Variants in DYNLT2B observed in about 807,000 individuals in gnomAD.
DYNLT2B encodes dynein light chain Tctex-type 2B.
Under a neutral mutation model 19.5 loss-of-function variants are expected in DYNLT2B, and 14 were observed. The ratio of observed to expected loss-of-function variants is 0.72; its 90% CI spans 0.47 to 1.12. The LOEUF is 1.12. Ranked by LOEUF, DYNLT2B falls within the 50% of genes most tolerant of loss-of-function variation. The pLI is 0.00. For synonymous variants in DYNLT2B, 70 were observed against 59.7 expected (o/e 1.17, Z -0.79); for missense variants, 133 against 174.7 (o/e 0.76, Z 1.35).
At position 196,302,298 on chromosome 3, in the gene DYNLT2B, TTTCTAA is replaced by T. The variant is rs1726377332; in HGVS notation, c.317+4639_317+4644del. Among the ~76,000 whole-genome samples the T allele has an allele frequency of 2.0e-5, 3 of 152,136 alleles. No homozygotes were observed. In the South Asian group the frequency reaches 6.2e-4, roughly 32 times the overall value. ...GCTACCTCTAGGGCCCCAAGCTTAG[TTTCTAA>T]TGCCATTCTCCAACACATTGAACAG... On this transcript the variant is annotated intron_variant, in intron 3 of 4. Transcript: ENST00000325318.
chr3:196,291,517 C>G lies in DYNLT2B; in HGVS notation c.382-143G>C, dbSNP rs1577384110. 6 of 763,656 alleles carry G rather than the reference C, an allele frequency of 7.9e-6. No individual in the cohort carries two copies. In the East Asian group the frequency reaches 1.7e-4, roughly 22 times the overall value. 47.3% of individuals were successfully genotyped at this position (763,656 alleles called of 1,614,324 possible). A position where few individuals can be genotyped will look rare whatever the true frequency, so the allele number is the denominator to read the frequency against. On this transcript the variant is annotated intron_variant, in intron 4 of 4. Transcript: ENST00000325318. ...TTTTTGAGACAGGGTGTCACTCTAT[C>G]ACCCAGGCTGGAGTGCAGTGGTGTG...
intron 1 of DYNLT2B, among the ~76,000 whole-genome samples, chr3:196,316,890 AGTGTGT>A (rs377469506): frequency 2.7e-5 from 2 of 74,198 alleles, no homozygotes; most frequent in African/African-American, 5.3e-5. Flanking sequence ...CATTTTTTTC[AGTGTGT>A]GTGTGTGTGT....
intron 4 of DYNLT2B, 101 bp from the exon 5 acceptor site, chr3:196,291,475 T>A (rs1207849376): frequency 2.3e-6 from 3 of 1,318,666 alleles, no homozygotes; most frequent in Non-Finnish European, 3.1e-6. Flanking sequence ...CTCAGATCTT[T>A]CCAATTTTTT....
At chr3:196,294,880 G>C (rs535676375) in intron 4 of DYNLT2B, among the ~76,000 whole-genome samples, 1 of 151,912 alleles carries the variant, frequency 6.6e-6, no homozygotes, top group African/African-American at 2.4e-5. Context: ...GATTACAGGC[G>C]TGCACCACCA....
intron 3 of DYNLT2B, among the ~76,000 whole-genome samples, chr3:196,303,294 T>A (rs569305737): frequency 1.8e-4 from 27 of 152,232 alleles, no homozygotes; most frequent in Admixed American, 5.9e-4. Flanking sequence ...TGAGTAATAA[T>A]AAAACTCCGG....
chr3:196,296,145 G>A, intron 3 of DYNLT2B, 76 bp from the exon 4 acceptor site: 3 of 1,249,456 alleles, frequency 2.4e-6, no homozygotes, highest in Non-Finnish European at 3.5e-6. Context: ...ACGAGAAACA[G>A]TGTTCCTTAA....
chr3:196,315,191 G>A, intron 2 of DYNLT2B: 1 of 420,870 alleles, frequency 2.4e-6, no homozygotes, highest in Non-Finnish European at 4.6e-6. Context: ...TGAAGAAAAA[G>A]TTGTCTTTAA....
chr3:196,308,081 C>T (rs1174242793), intron 2 of DYNLT2B, among the ~76,000 whole-genome samples: 1 of 67,720 alleles, frequency 1.5e-5, no homozygotes, highest in African/African-American at 5.3e-5. Context: ...AACTCCATCT[C>T]GAAAAAAAAA....
chr3:196,292,932 C>T (rs368994497), intron 4 of DYNLT2B, among the ~76,000 whole-genome samples: 1 of 152,356 alleles, frequency 6.6e-6, no homozygotes, highest in African/African-American at 2.4e-5. Flanking sequence ...TGGCTCACTG[C>T]AACCTCCGCC....
At chr3:196,302,037 G>A (rs756672532) in intron 3 of DYNLT2B, among the ~76,000 whole-genome samples, 2 of 152,042 alleles carry the variant, frequency 1.3e-5, no homozygotes, top group Non-Finnish European at 2.9e-5. Flanking sequence ...AACCCAGGAG[G>A]TGAAGGTTGC....
intron 2 of DYNLT2B, among the ~76,000 whole-genome samples, chr3:196,307,306 T>C (rs536833004): frequency 6.6e-6 from 1 of 152,240 alleles, no homozygotes; most frequent in Admixed American, 6.5e-5. Flanking sequence ...GTATCTTTTT[T>C]TTGTTTTGTT....
chr3:196,303,146 A>G (rs1726398728), intron 3 of DYNLT2B, among the ~76,000 whole-genome samples: 1 of 151,484 alleles, frequency 6.6e-6, no homozygotes, highest in African/African-American at 2.4e-5. Context: ...CCGACCCAGG[A>G]ACTGACTCAG....
At chr3:196,306,875 G>T in intron 3 of DYNLT2B, 68 bp downstream of exon 3, 1 of 1,429,844 alleles carries the variant, frequency 7.0e-7, no homozygotes, top group Non-Finnish European at 9.9e-7. Context: ...TTACTGAATT[G>T]TCCAAAGGAC....
chr3:196,295,910 G>C, intron 4 of DYNLT2B, 96 bp downstream of exon 4: 1 of 1,014,476 alleles, frequency 9.9e-7, no homozygotes. Flanking sequence ...GAATGACTAA[G>C]ACAGCAGTGT....
intron 3 of DYNLT2B, among the ~76,000 whole-genome samples, chr3:196,302,441 G>C (rs1726379751): frequency 6.6e-6 from 1 of 152,166 alleles, no homozygotes; most frequent in Non-Finnish European, 1.5e-5. Flanking sequence ...CACAATAGTA[G>C]AGTCAGTGGG....
At chr3:196,307,379 G>A (rs529990559) in intron 2 of DYNLT2B, among the ~76,000 whole-genome samples, 29 of 151,916 alleles carry the variant, frequency 1.9e-4, no homozygotes, top group African/African-American at 6.5e-4. Flanking sequence ...TCAGCTCACC[G>A]GCAACCTCTG....
chr3:196,307,020 GA>G lies in DYNLT2B; in HGVS notation c.248-9del. 1.9e-6 allele frequency: 3 copies of G among 1,610,670 alleles called. No individual in the cohort carries two copies. The highest frequency in any genetic ancestry group is 2.5e-6 in the Non-Finnish European group (3 of 1,178,282). ...ATCGGTCAAATCCCATTTCTAGAAA[GA>G]AAAAATAAGGTTATTTATAAGCAAA... On this transcript the variant is annotated splice_polypyrimidine_tract_variant and intron_variant, in intron 2 of 4. Transcript: ENST00000325318.
intron 3 of DYNLT2B, chr3:196,298,212 A>C (rs1726269319): frequency 6.8e-6 from 2 of 295,910 alleles, no homozygotes; most frequent in Admixed American, 6.8e-5. Flanking sequence ...TTGTGAGAAG[A>C]CATGACAAGA....
intron 1 of DYNLT2B, among the ~76,000 whole-genome samples, chr3:196,316,506 C>A (rs1414589370): frequency 6.6e-6 from 1 of 151,980 alleles, no homozygotes; most frequent in African/African-American, 2.4e-5. Context: ...CTCATACTCC[C>A]CTCTCCCCCA....
Sources: gnomAD v4.1 joint callset for allele counts (sites outside exome capture counted in the v4.1 genomes callset) on GRCh38, gnomAD v4.1.1 for gene constraint, MANE v1.5 for transcripts, NCBI Gene and HGNC (gene_info 2026-07-23, HGNC 2026-07-21) for gene names.